LGI3: variants seen among roughly 807,000 people sequenced by gnomAD.
LGI3 encodes leucine-rich repeat LGI family member 3.
A neutral mutation model predicts 55.4 loss-of-function variants in LGI3; 47 were observed. That is an observed-to-expected ratio of 0.85 (90% CI 0.67 to 1.08). LGI3 has a LOEUF of 1.08. Among genes scored for constraint, LGI3 ranks in the 50% least tolerant of loss-of-function variants. The probability of loss-of-function intolerance (pLI) is 0.00; values close to 1 mark genes in which losing one functional copy is unlikely to be tolerated. For missense variants in LGI3, 664 were observed against 726.3 expected, an observed-to-expected ratio of 0.91 and a Z score of 0.99; for synonymous variants, 326 against 315.0, an observed-to-expected ratio of 1.04 and a Z score of -0.37.
chr8:22,151,929 T>G lies in LGI3; in HGVS notation c.566A>C (p.Asn189Thr). Residue 189 changes from asparagine to threonine, a missense_variant, in exon 6 of 8, where the codon AAC (asparagine) becomes ACC (threonine). By Grantham distance (65) the Asn-to-Thr change is moderately conservative (BLOSUM62 0). Coordinates refer to ENST00000306317, the MANE Select transcript of LGI3 (RefSeq NM_139278.4). ...GCAGTAGATGGGTGCCACCGTGGTGTTGGTGTGTGCCAGCCACTCCACCAA... is the reference window on the plus strand; with the variant it reads ...GCAGTAGATGGGTGCCACCGTGGTGGTGGTGTGTGCCAGCCACTCCACCAA... The part of the protein sequence containing the change: ...KWLVEWLAHT[N>T]TTVAPIYCAS... The G allele has an allele frequency of 6.2e-7, 1 of 1,613,004 alleles. No homozygotes were observed. Among genetic ancestry groups the G allele is most frequent in the Non-Finnish European group, 8.5e-7 (1 of 1,179,800 alleles).
intron 3 of LGI3, 115 bp from the exon 4 acceptor site, chr8:22,154,328 T>C: frequency 1.1e-6 from 1 of 932,870 alleles, no homozygotes; most frequent in Admixed American, 1.9e-5. Context: ...GGTTTCCAAA[T>C]GGAGTCTGGC....
At position 22,148,796 on chromosome 8, in the gene LGI3, G is replaced by C; in HGVS notation, c.1011C>G (p.Ile337Met). ...CCACGGCAAAGTACCAGTCACCGTC[G>C]ATGCGGAAGGCTTCTAGGTCGTTAG... ...RKPNDLEAFR[I>M]DGDWYFAVAD... The change falls in exon 8 of 8, where the codon ATC becomes ATG. Residue 337 changes from isoleucine (I) to methionine (M), a missense_variant. Transcript: ENST00000306317. The surrounding 1 kb of genome is among the most constrained non-coding windows in gnomAD (Gnocchi z 7.0). The C allele has an allele frequency of 6.2e-7, 1 of 1,614,188 alleles. No individual in the cohort carries two copies. The highest frequency in any genetic ancestry group is 8.5e-7 in the Non-Finnish European group (1 of 1,180,034).
At chr8:22,155,235 G>A (rs528870843) in intron 2 of LGI3, 157 bp downstream of exon 2, 303 of 712,708 alleles carry the variant, frequency 4.3e-4, no homozygotes, top group Non-Finnish European at 6.6e-4. Flanking sequence ...AGGCTGCCCC[G>A]TCTTTTGGGT....
In LGI3 at chr8:22,151,930, T is replaced by C; in HGVS notation, c.565A>G (p.Asn189Asp). ...CAGTAGATGGGTGCCACCGTGGTGT[T>C]GGTGTGTGCCAGCCACTCCACCAAC... ...KWLVEWLAHT[N>D]TTVAPIYCAS... The change falls in exon 6 of 8, where the codon AAC (asparagine) becomes GAC (aspartate). Residue 189 changes from asparagine (N) to aspartate (D), a missense_variant. By Grantham distance (23) the Asn-to-Asp change is conservative. Coordinates refer to ENST00000306317, the MANE Select transcript of LGI3 (RefSeq NM_139278.4). 1 of 1,613,110 alleles carries C rather than the reference T, an allele frequency of 6.2e-7. No homozygotes were observed. The highest frequency in any genetic ancestry group is 8.5e-7 in the Non-Finnish European group (1 of 1,179,872).
Position 22,156,432 on chromosome 8 carries a change from G to A in LGI3, c.111C>T (p.Pro37=), listed in dbSNP as rs751136992. The A allele has an allele frequency of 6.3e-7, 1 of 1,575,548 alleles. No individual in the cohort carries two copies. Among genetic ancestry groups the A allele is most frequent in the Non-Finnish European group, 8.6e-7 (1 of 1,163,816 alleles). ...TGCAAGAGCAGCTGGGCGGGCAGGG[G>A]GGCGTCTTGGGGGGCCTCTTAGCGC... The part of the protein sequence containing the change: ...QVSAKRPPKT[P]PCPPSCSCTR... Residue 37 remains proline, a synonymous_variant, in exon 1 of 8, where the codon CCC becomes CCT. Transcript: ENST00000306317.
chr8:22,148,461 A>C lies in LGI3; in HGVS notation c.1346T>G (p.Leu449Arg). ...CGAGAAGCGGGTACCCTCCCAGCGC[A>C]GGATCTTGGAGTCGCCAATGTAGCG... The part of the protein sequence containing the change: ...LSRYIGDSKI[L>R]RWEGTRFSEV... Residue 449 changes from leucine to arginine, a missense_variant, in exon 8 of 8, where the codon CTG (leucine) becomes CGG (arginine). Coordinates refer to ENST00000306317, the MANE Select transcript of LGI3 (RefSeq NM_139278.4). This position sits in a 1 kb window ranked among gnomAD's most constrained non-coding sequence, Gnocchi z 7.0. The C allele has an allele frequency of 6.2e-7, 1 of 1,612,378 alleles. No homozygotes were observed. Among genetic ancestry groups the C allele is most frequent in the Non-Finnish European group, 8.5e-7 (1 of 1,179,926 alleles).
At chr8:22,149,126 A>G in intron 7 of LGI3, 149 bp from the exon 8 acceptor site, 1 of 609,226 alleles carries the variant, frequency 1.6e-6, no homozygotes, top group South Asian at 2.0e-5. Flanking sequence ...TTCATCCACT[A>G]AGCGCTCAAT....
chr8:22,154,337 G>T, intron 3 of LGI3, 124 bp from the exon 4 acceptor site: 1 of 859,404 alleles, frequency 1.2e-6, no homozygotes, highest in Non-Finnish European at 1.9e-6. Flanking sequence ...ATGGAGTCTG[G>T]CATCACCAAG....
rs201436266 is a variant in LGI3 at position 22,151,503 on chromosome 8, T to C, written c.815A>G (p.Tyr272Cys). 86 of 1,614,018 alleles carry C rather than the reference T, an allele frequency of 5.3e-5. No homozygotes were observed. The highest frequency in any genetic ancestry group is 2.5e-4 in the East Asian group (11 of 44,860). Reference sequence around the variant, plus strand: ...GGCGCAGGTACCTGGGATTCTATCATAGTCTCGAAGCTGCCGCTCAACATA... The same window carrying C: ...GGCGCAGGTACCTGGGATTCTATCACAGTCTCGAAGCTGCCGCTCAACATA... ...WDYVERQLRD[Y>C]DRIPAPSAVH... Residue 272 changes from tyrosine (Y) to cysteine (C), a missense_variant, in exon 7 of 8, where the codon TAT (tyrosine) becomes TGT (cysteine). Coordinates refer to ENST00000306317, the MANE Select transcript of LGI3 (RefSeq NM_139278.4).
In LGI3 at chr8:22,148,653, T is replaced by A. The variant is rs138883591; in HGVS notation, c.1154A>T (p.Glu385Val). Residue 385 changes from glutamate (E) to valine (V), a missense_variant, in exon 8 of 8, where the codon GAG (glutamate) becomes GTG (valine). Coordinates refer to ENST00000306317, the MANE Select transcript of LGI3 (RefSeq NM_139278.4). The surrounding 1 kb of genome is among the most constrained non-coding windows in gnomAD (Gnocchi z 7.0). ...GGACACAATCAGCCGTGGCTTGCCC[T>A]CGCCGTCCACAAACTCCAGGTCGGT... is the stretch of plus-strand genomic sequence containing the variant. Reference protein sequence around the residue: ...RDTDLEFVDGEGKPRLIVSSS... With the variant: ...RDTDLEFVDGVGKPRLIVSSS... The A allele has an allele frequency of 3.7e-5, 59 of 1,613,826 alleles. 1 individual carries two copies. In the African/African-American group the frequency reaches 7.5e-4, roughly 20 times the overall value.
chr8:22,155,571 G>A, intron 1 of LGI3, 108 bp from the exon 2 acceptor site: 1 of 898,488 alleles, frequency 1.1e-6, no homozygotes, highest in Non-Finnish European at 1.8e-6. Context: ...CCCTGGAAAT[G>A]CCCCATTTCA....
rs1827331163 is a variant in LGI3, at chr8:22,148,260, AAGGCC to A, written c.1542_1546del (p.Ala515LeufsTer24). The A allele has an allele frequency of 6.2e-7, 1 of 1,614,030 alleles. No individual in the cohort carries two copies. The highest frequency in any genetic ancestry group is 1.3e-5 in the African/African-American group (1 of 74,930). On this transcript the variant is annotated frameshift_variant, in exon 8 of 8. Transcript: ENST00000306317. LOFTEE classifies it high-confidence loss of function. The surrounding 1 kb of genome is among the most constrained non-coding windows in gnomAD (Gnocchi z 7.0). ...GGCGTCCCCAGCAGGCATGTAGCAGAAGGCCCGAGGAGCCTGCACAGCCAGCTCCT... is the reference window on the plus strand; with the variant it reads ...GGCGTCCCCAGCAGGCATGTAGCAGACGAGGAGCCTGCACAGCCAGCTCCT...
chr8:22,148,596 C>T lies in LGI3; in HGVS notation c.1211G>A (p.Trp404Ter). Residue 404 changes from tryptophan (W) to a stop codon, truncating the protein, a stop_gained, in exon 8 of 8, where the codon TGG becomes TAG. Coordinates refer to ENST00000306317, the MANE Select transcript of LGI3 (RefSeq NM_139278.4). LOFTEE classifies it high-confidence loss of function. This position sits in a 1 kb window ranked among gnomAD's most constrained non-coding sequence, Gnocchi z 7.0. ...CACAAACTGCTTCTGGGTGCGACTC[C>T]ACTGATAGATGACGGGTGCCTGGGA... ...SSSQAPVIYQ[W>*]SRTQKQFVAQ... The T allele has an allele frequency of 6.2e-7, 1 of 1,613,920 alleles. No homozygotes were observed. Among genetic ancestry groups the T allele is most frequent in the Non-Finnish European group, 8.5e-7 (1 of 1,180,004 alleles).
At chr8:22,156,029 A>C (rs1205754980) in intron 1 of LGI3, among the ~76,000 whole-genome samples, 2 of 152,132 alleles carry the variant, frequency 1.3e-5, no homozygotes, top group Non-Finnish European at 2.9e-5. Flanking sequence ...GCAGGGGCCC[A>C]CATGCTCGTG....
In LGI3 at chr8:22,156,591, C is replaced by T. The variant is rs1385828760; in HGVS notation, c.-49G>A. 4.2e-6 allele frequency: 3 copies of T among 716,326 alleles called. No homozygotes were observed. The highest frequency in any genetic ancestry group is 3.8e-6 in the Non-Finnish European group (2 of 531,948). 44.4% of individuals were successfully genotyped at this position (716,326 alleles called of 1,614,324 possible). ...GCCGGCGGCCGCGGCCCCCGCCCCA[C>T]CGCTCCCGCGGCTGGGCCACCCCGC... On this transcript the variant is annotated 5_prime_UTR_variant, in exon 1 of 8. The change creates a new upstream start codon in the 5' untranslated region. Coordinates refer to ENST00000306317, the MANE Select transcript of LGI3 (RefSeq NM_139278.4).
chr8:22,152,091 G>T, intron 5 of LGI3, 91 bp from the exon 6 acceptor site: 2 of 1,021,042 alleles, frequency 2.0e-6, no homozygotes, highest in Non-Finnish European at 2.8e-6. Context: ...CAGAAATAGA[G>T]CTGGTCAAGG....
Position 22,151,844 on chromosome 8 carries a change from A to G in LGI3, c.651T>C (p.Asp217=), listed in dbSNP as rs1261196778. The G allele has an allele frequency of 2.5e-6, 4 of 1,609,688 alleles. No individual in the cohort carries two copies. In the East Asian group the frequency reaches 6.7e-5, roughly 27 times the overall value. ...KVQDLPLREF[D]CITTDFVLYQ... The stretch of plus-strand genomic sequence containing the variant: ...GGCACCTCCTACCTGTGGTGATGCA[A>G]TCGAACTCCCGCAGCGGCAGGTCCT... Residue 217 remains aspartate, a synonymous_variant, in exon 6 of 8, where the codon GAT becomes GAC. Transcript: ENST00000306317.
Position 22,156,431 on chromosome 8 carries a change from G to C in LGI3, c.112C>G (p.Pro38Ala). ...GTGCAAGAGCAGCTGGGCGGGCAGG[G>C]GGGCGTCTTGGGGGGCCTCTTAGCG... is the stretch of plus-strand genomic sequence containing the variant. ...VSAKRPPKTP[P>A]CPPSCSCTRD... is the part of the protein sequence containing the mutation. The change falls in exon 1 of 8, where the codon CCC (proline) becomes GCC (alanine). Residue 38 changes from proline (P) to alanine (A), a missense_variant. Pro to Ala is a conservative substitution (Grantham distance 27, BLOSUM62 -1). Coordinates refer to ENST00000306317, the MANE Select transcript of LGI3 (RefSeq NM_139278.4). 1.9e-6 allele frequency: 3 copies of C among 1,575,596 alleles called. No individual in the cohort carries two copies. The highest frequency in any genetic ancestry group is 2.6e-6 in the Non-Finnish European group (3 of 1,163,786).
At position 22,156,749 on chromosome 8, in the gene LGI3, A is replaced by T. The variant is rs1320175611; in HGVS notation, c.-207T>A. The T allele has an allele frequency of 5.2e-6, 1 of 193,744 alleles. No individual in the cohort carries two copies. Among genetic ancestry groups the T allele is most frequent in the East Asian group, 1.4e-4 (1 of 7,058 alleles). 12.0% of individuals were successfully genotyped at this position (193,744 alleles called of 1,614,324 possible). On this transcript the variant is annotated 5_prime_UTR_variant, in exon 1 of 8. Coordinates refer to ENST00000306317, the MANE Select transcript of LGI3 (RefSeq NM_139278.4). ...CCCGCGATCCGGCTCGGGAGAGAAG[A>T]GCGGAGCGCGGAGCTGGAGCCGCAG...
Sources: allele counts gnomAD v4.1 joint callset (sites outside exome capture counted in the v4.1 genomes callset), GRCh38; gene constraint gnomAD v4.1.1; non-coding constraint Gnocchi (gnomAD v3.1); transcripts MANE v1.5; gene names NCBI Gene and HGNC (gene_info 2026-07-23, HGNC 2026-07-21).